The following NRXN1 variants were observed in gnomAD, a reference collection of about 807,000 sequenced individuals.
NRXN1 encodes neurexin-1.
A neutral mutation model predicts 150.9 loss-of-function variants in NRXN1; 39 were observed. The observed-to-expected ratio is 0.26, with a 90% CI of 0.20 to 0.34. The LOEUF is 0.34. Ranked by LOEUF, NRXN1 falls within the 10% of genes least tolerant of loss-of-function variation. NRXN1 has a pLI of 1.00. For missense variants in NRXN1, 1,815 were observed against 1,949.9 expected, an observed-to-expected ratio of 0.93 and a Z score of 1.30; for synonymous variants, 924 against 757.0, an observed-to-expected ratio of 1.22 and a Z score of -3.62.
At chr2:50,619,982 A>C (rs200054719) in intron 8 of NRXN1, 40 bp downstream of exon 8, 631 of 1,511,576 alleles carry the variant, frequency 4.2e-4, no homozygotes, top group Admixed American at 9.7e-4. Context: ...AAATGATGAG[A>C]CCATGAATTA....
intron 9 of NRXN1, 92 bp from the exon 10 acceptor site, chr2:50,538,728 C>T (rs1364825041): frequency 2.0e-6 from 2 of 1,021,576 alleles, no homozygotes; most frequent in East Asian, 5.7e-5. Flanking sequence ...ATGGTTAACT[C>T]CTTGGAGGCA....
At chr2:50,827,752 G>A (rs1670668977) in intron 5 of NRXN1, among the ~76,000 whole-genome samples, 1 of 151,562 alleles carries the variant, frequency 6.6e-6, no homozygotes, top group Non-Finnish European at 1.5e-5. Context: ...GGACCCTGCG[G>A]CCTTCCGCAG....
intron 18 of NRXN1, among the ~76,000 whole-genome samples, chr2:50,128,919 G>A (rs775998921): frequency 2.7e-5 from 4 of 150,576 alleles, no homozygotes; most frequent in Non-Finnish European, 4.4e-5. Flanking sequence ...GGAGGTGCAG[G>A]TTGCAGTGAG....
chr2:50,984,013 G>T (rs1697268986), intron 2 of NRXN1, among the ~76,000 whole-genome samples: 1 of 151,650 alleles, frequency 6.6e-6, no homozygotes, highest in African/African-American at 2.4e-5. Context: ...TATTGCCCAG[G>T]CTGGAAGGCA....
intron 17 of NRXN1, among the ~76,000 whole-genome samples, chr2:50,299,324 C>G (rs999311648): frequency 6.6e-6 from 1 of 151,974 alleles, no homozygotes; most frequent in African/African-American, 2.4e-5. Flanking sequence ...ATATATGCAT[C>G]CAGTCCTCTC....
chr2:49,949,447 T>A (rs1414106894), intron 21 of NRXN1, among the ~76,000 whole-genome samples: 4 of 151,954 alleles, frequency 2.6e-5, no homozygotes, highest in Non-Finnish European at 4.4e-5. Flanking sequence ...CTGCTAAGAA[T>A]AACATTCCAA....
intron 17 of NRXN1, among the ~76,000 whole-genome samples, chr2:50,321,609 G>C (rs1011825725): frequency 1.3e-5 from 2 of 152,092 alleles, no homozygotes; most frequent in African/African-American, 4.8e-5. Flanking sequence ...GAAACGGAAG[G>C]TATTGAATAT....
At chr2:50,354,428 G>A (rs978922934) in intron 17 of NRXN1, among the ~76,000 whole-genome samples, 1 of 151,378 alleles carries the variant, frequency 6.6e-6, no homozygotes, top group African/African-American at 2.4e-5. Context: ...CTGTAAAAAA[G>A]GTTAATTGTA....
intron 12 of NRXN1, among the ~76,000 whole-genome samples, chr2:50,525,031 TG>T (rs1280435598): frequency 7.9e-5 from 12 of 152,326 alleles, no homozygotes; most frequent in African/African-American, 2.9e-4. Flanking sequence ...ACTAATGTCC[TG>T]TACAGAACCT....
intron 18 of NRXN1, among the ~76,000 whole-genome samples, chr2:50,111,699 T>C (rs1702400992): frequency 6.6e-6 from 1 of 152,016 alleles, no homozygotes; most frequent in Non-Finnish European, 1.5e-5. Flanking sequence ...TTTAGTGTAA[T>C]CTGCACCCTC....
intron 12 of NRXN1, among the ~76,000 whole-genome samples, chr2:50,515,615 G>A (rs1375660413): frequency 6.6e-6 from 1 of 151,448 alleles, no homozygotes. Context: ...GTGTGTGTGT[G>A]TGTGTGTGTG....
chr2:50,821,198 C>A (rs993129377), intron 5 of NRXN1, among the ~76,000 whole-genome samples: 1 of 152,176 alleles, frequency 6.6e-6, no homozygotes, highest in South Asian at 2.1e-4. Context: ...GTCCAACCCA[C>A]GGCCCACAGG....
chr2:50,455,021 G>A (rs905873756), intron 17 of NRXN1, among the ~76,000 whole-genome samples: 1 of 152,100 alleles, frequency 6.6e-6, no homozygotes, highest in African/African-American at 2.4e-5. Context: ...TCATTTAGCA[G>A]GGATGAAGGC....
chr2:50,617,906 C>A (rs1372112969), intron 8 of NRXN1, among the ~76,000 whole-genome samples: 1 of 152,140 alleles, frequency 6.6e-6, no homozygotes, highest in Non-Finnish European at 1.5e-5. Context: ...CAGTTTTATA[C>A]ACACACAGAA....
intron 2 of NRXN1, among the ~76,000 whole-genome samples, chr2:51,024,183 C>T (rs943025974): frequency 6.6e-6 from 1 of 151,990 alleles, no homozygotes; most frequent in Non-Finnish European, 1.5e-5. Flanking sequence ...TAGATGAGAC[C>T]ATAACAACGG....
At chr2:50,174,137 C>G (rs1020263462) in intron 18 of NRXN1, among the ~76,000 whole-genome samples, 8 of 152,060 alleles carry the variant, frequency 5.3e-5, no homozygotes, top group African/African-American at 1.7e-4. Flanking sequence ...CCTCAGAAAA[C>G]CTGTCTTAAT....
At chr2:50,781,293 T>C (rs531344540) in intron 5 of NRXN1, among the ~76,000 whole-genome samples, 1 of 152,012 alleles carries the variant, frequency 6.6e-6, no homozygotes, top group Non-Finnish European at 1.5e-5. Flanking sequence ...TACTGAAGAA[T>C]ATATGCATGG....
chr2:50,996,251 C>A (rs1431658398), intron 2 of NRXN1, among the ~76,000 whole-genome samples: 2 of 152,034 alleles, frequency 1.3e-5, no homozygotes, highest in Non-Finnish European at 2.9e-5. Flanking sequence ...CACAATGCCA[C>A]AAAGGTGTAC....
intron 21 of NRXN1, among the ~76,000 whole-genome samples, chr2:50,006,324 A>C (rs1573364177): frequency 6.6e-6 from 1 of 152,150 alleles, no homozygotes; most frequent in East Asian, 1.9e-4. Flanking sequence ...TTCTTAGGCC[A>C]TTTTGTAGTC....
Sources: gnomAD v4.1 joint callset for allele counts (sites outside exome capture counted in the v4.1 genomes callset) on GRCh38, gnomAD v4.1.1 for gene constraint, MANE v1.5 for transcripts, NCBI Gene and HGNC (gene_info 2026-07-23, HGNC 2026-07-21) for gene names.